Variants in ASTN1 observed in about 807,000 individuals in gnomAD.
The protein encoded by ASTN1 is astrotactin-1.
In ASTN1, 41 loss-of-function variants were observed where a neutral mutation model predicts 140.7. The observed-to-expected ratio is 0.29, with a 90% CI of 0.23 to 0.38. The LOEUF is 0.38. Ranked by LOEUF, ASTN1 falls within the 10% of genes least tolerant of loss-of-function variation. The pLI, the probability that ASTN1 is intolerant of heterozygous loss-of-function variation, is 1.00. For missense variants in ASTN1, 1,479 were observed against 1,678.8 expected (o/e 0.88, Z 2.08); for synonymous variants, 640 against 652.2 (o/e 0.98, Z 0.29).
chr1:176,953,315 GA>G (rs941798588), intron 11 of ASTN1, among the ~76,000 whole-genome samples: 5 of 152,216 alleles, frequency 3.3e-5, no homozygotes, highest in African/African-American at 1.2e-4. Flanking sequence ...GCCTCTGGGA[GA>G]AAAGGGATAG....
chr1:176,968,685 A>G (rs1672998224), intron 8 of ASTN1, among the ~76,000 whole-genome samples: 1 of 152,182 alleles, frequency 6.6e-6, no homozygotes, highest in Admixed American at 6.5e-5. Context: ...GAGAAATCTT[A>G]CTTGATTTAT....
downstream of ASTN1, among the ~76,000 whole-genome samples, chr1:176,858,987 A>ATT (rs1667886887): frequency 1.3e-5 from 2 of 152,198 alleles, 1 homozygote; most frequent in South Asian, 4.2e-4. Flanking sequence ...TCTTAAGAGT[A>ATT]TTTACTTCAG....
intron 1 of ASTN1, among the ~76,000 whole-genome samples, chr1:177,146,935 T>G (rs906725638): frequency 1.3e-5 from 2 of 152,170 alleles, no homozygotes; most frequent in African/African-American, 4.8e-5. Context: ...TACCCCCCAT[T>G]TTTTCACTTG....
chr1:176,922,562 A>AAAAAAAAAAAAAAAAAC (rs1670780190), intron 16 of ASTN1, among the ~76,000 whole-genome samples: 1 of 150,094 alleles, frequency 6.7e-6, no homozygotes, highest in African/African-American at 2.5e-5. Context: ...ACTGCAAAAA[A>AAAAAAAAAAAAAAAAAC]AAAAAAAAAA....
chr1:177,050,854 T>A (rs1395495306), intron 2 of ASTN1, among the ~76,000 whole-genome samples: 1 of 152,158 alleles, frequency 6.6e-6, no homozygotes, highest in African/African-American at 2.4e-5. Context: ...CATATTTATA[T>A]GAAGCATTTT....
intron 8 of ASTN1, among the ~76,000 whole-genome samples, chr1:177,014,034 A>G (rs1422716721): frequency 1.3e-5 from 2 of 151,980 alleles, no homozygotes; most frequent in Non-Finnish European, 2.9e-5. Context: ...CAACAAAGCA[A>G]GACAATGTCT....
chr1:176,991,134 G>A (rs967210423), intron 8 of ASTN1, among the ~76,000 whole-genome samples: 1 of 152,144 alleles, frequency 6.6e-6, no homozygotes, highest in Non-Finnish European at 1.5e-5. Flanking sequence ...CCGGCCGGGT[G>A]CAGTGGCTCA....
intron 16 of ASTN1, among the ~76,000 whole-genome samples, chr1:176,912,529 G>A (rs1443951202): frequency 6.6e-6 from 1 of 152,104 alleles, no homozygotes; most frequent in Admixed American, 6.5e-5. Context: ...ACCCCTGACT[G>A]TTCATTAAAA....
At chr1:176,931,143 C>T (rs766630591) in intron 16 of ASTN1, among the ~76,000 whole-genome samples, 1 of 152,160 alleles carries the variant, frequency 6.6e-6, no homozygotes, top group Non-Finnish European at 1.5e-5. Flanking sequence ...AATTTCATTT[C>T]TGAAATGTTT....
chr1:176,937,590 A>G (rs1671505114), intron 14 of ASTN1, among the ~76,000 whole-genome samples: 1 of 152,200 alleles, frequency 6.6e-6, no homozygotes, highest in African/African-American at 2.4e-5. Flanking sequence ...ATTAGGCCAT[A>G]GGAAAAAAAA....
At chr1:176,999,701 G>T (rs1473149690) in intron 8 of ASTN1, among the ~76,000 whole-genome samples, 1 of 144,266 alleles carries the variant, frequency 6.9e-6, no homozygotes, top group Admixed American at 6.7e-5. Context: ...ATACACACAT[G>T]TCAGTATGGG....
intron 16 of ASTN1, among the ~76,000 whole-genome samples, chr1:176,904,895 G>A (rs1669919497): frequency 6.6e-6 from 1 of 152,168 alleles, no homozygotes; most frequent in African/African-American, 2.4e-5. Context: ...GCTACAGAGT[G>A]GAATTAGTGC....
chr1:176,867,224 T>C (rs368716451), intron 22 of ASTN1, among the ~76,000 whole-genome samples: 33 of 152,292 alleles, frequency 2.2e-4, no homozygotes, highest in African/African-American at 7.9e-4. Flanking sequence ...TATGCAATGT[T>C]AGTGCCTTTC....
chr1:177,145,540 T>C (rs976184536), intron 1 of ASTN1, among the ~76,000 whole-genome samples: 1 of 152,154 alleles, frequency 6.6e-6, no homozygotes, highest in African/African-American at 2.4e-5. Context: ...CAAATCTAAT[T>C]AGAAGAGGTT....
At chr1:177,046,622 C>A (rs528120644) in intron 2 of ASTN1, among the ~76,000 whole-genome samples, 6 of 152,256 alleles carry the variant, frequency 3.9e-5, no homozygotes, top group Admixed American at 2.0e-4. Flanking sequence ...CTCTGAAAAC[C>A]TTTTATAGTA....
chr1:177,162,349 G>C (rs375279520), intron 1 of ASTN1, among the ~76,000 whole-genome samples: 218 of 152,302 alleles, frequency 1.4e-3, no homozygotes, highest in African/African-American at 5.0e-3. Flanking sequence ...CCACTGACTG[G>C]GAGAGTGGGA....
chr1:177,047,665 G>A (rs181684048), intron 2 of ASTN1, among the ~76,000 whole-genome samples: 9 of 152,300 alleles, frequency 5.9e-5, no homozygotes, highest in Admixed American at 2.6e-4. Context: ...TGCACTCATA[G>A]TGGTAGTAGA....
intron 1 of ASTN1, among the ~76,000 whole-genome samples, chr1:177,160,006 T>A (rs1474818870): frequency 3.9e-5 from 6 of 152,214 alleles, no homozygotes; most frequent in African/African-American, 1.4e-4. Flanking sequence ...GCAAGGATAT[T>A]CAAGAAGTAT....
At chr1:177,112,358 G>T (rs1680861540) in intron 1 of ASTN1, among the ~76,000 whole-genome samples, 2 of 152,216 alleles carry the variant, frequency 1.3e-5, no homozygotes, top group South Asian at 4.1e-4. Context: ...GTTATTTCCA[G>T]GACCTCTCGC....
Sources: gnomAD v4.1 joint callset for allele counts (sites outside exome capture counted in the v4.1 genomes callset) on GRCh38, gnomAD v4.1.1 for gene constraint, MANE v1.5 for transcripts, NCBI Gene and HGNC (gene_info 2026-07-23, HGNC 2026-07-21) for gene names.